Variants in TRPM3 observed in about 807,000 individuals in gnomAD.
TRPM3 encodes the protein long transient receptor potential channel 3.
A neutral mutation model predicts 181.2 loss-of-function variants in TRPM3; 77 were observed. The ratio of observed to expected loss-of-function variants is 0.42; its 90% confidence interval spans 0.35 to 0.51. The LOEUF is 0.51. Ranked by LOEUF, TRPM3 falls within the 20% of genes least tolerant of loss-of-function variation. The pLI is 0.01. For synonymous variants in TRPM3, 745 were observed against 796.4 expected, an observed-to-expected ratio of 0.94 and a Z score of 1.09; for missense variants, 1,759 against 2,196.7, an observed-to-expected ratio of 0.80 and a Z score of 3.98.
intron 8 of TRPM3, among the ~76,000 whole-genome samples, chr9:70,740,080 T>G (rs1419848722): frequency 6.6e-6 from 1 of 152,084 alleles, no homozygotes; most frequent in Non-Finnish European, 1.5e-5. Context: ...CTCTACAGAT[T>G]CCTCCAAAAA....
chr9:71,420,706 A>G (rs1565556775), intron 1 of TRPM3, among the ~76,000 whole-genome samples: 1 of 142,244 alleles, frequency 7.0e-6, no homozygotes, highest in Admixed American at 7.0e-5. Context: ...AGAAAGAGAG[A>G]GAAAGAAAGA....
rs10536771 is a variant in TRPM3 at position 71,216,937 on chromosome 9, CTTTTTTTTTTTTTTTTTT to C, written c.183+229698_183+229715del. ...GCACAAGCATAGTCAGTGGCCCTTT[CTTTTTTTTTTTTTTTTTT>C]TTTTTTTTTTTTTGAGACGGAGTCT... On this transcript the variant is annotated intron_variant, in intron 1 of 24. Coordinates refer to the TRPM3 transcript ENST00000357533. Among the ~76,000 whole-genome samples the C allele has an allele frequency of 3.6e-4, 26 of 72,998 alleles. 1 individual carries two copies. In the South Asian group the frequency reaches 0.011, roughly 32 times the overall value. 47.9% of individuals were successfully genotyped at this position (72,998 alleles called of 152,430 possible).
intron 22 of TRPM3, among the ~76,000 whole-genome samples, chr9:70,566,281 A>G (rs1564354156): frequency 6.6e-6 from 1 of 152,128 alleles, no homozygotes; most frequent in Non-Finnish European, 1.5e-5. Context: ...CAAAGACTCC[A>G]ACCTCAGATG....
chr9:70,666,061 C>G (rs4744608), intron 9 of TRPM3, among the ~76,000 whole-genome samples: 57,630 of 152,086 alleles, frequency 0.38, 11,356 homozygotes, highest in African/African-American at 0.47. Flanking sequence ...GTTCTTTCTG[C>G]TAGTTGGTCT....
rs2057876930 is a variant in TRPM3 at position 71,034,078 on chromosome 9, C to A, written c.177+87100G>T. Among the ~76,000 whole-genome samples, 3 of 152,216 alleles carry A rather than the reference C, an allele frequency of 2.0e-5. No homozygotes were observed. In the South Asian group the frequency reaches 6.2e-4, roughly 32 times the overall value. On this transcript the variant is annotated intron_variant, in intron 1 of 25. Coordinates refer to ENST00000677713, the MANE Select transcript of TRPM3 (RefSeq NM_001366145.2). The stretch of plus-strand genomic sequence containing the variant: ...GTGCAAACTCCACATAGACAGTGGC[C>A]CCAGCTGGGAATCAGTTTCCTTTTC...
chr9:71,389,751 T>C (rs1379403457), intron 1 of TRPM3, among the ~76,000 whole-genome samples: 1 of 152,042 alleles, frequency 6.6e-6, no homozygotes, highest in African/African-American at 2.4e-5. Context: ...CCAAAGACCA[T>C]ATGTTCTCAC....
At chr9:71,333,788 C>G (rs978604794) in intron 1 of TRPM3, among the ~76,000 whole-genome samples, 2 of 151,856 alleles carry the variant, frequency 1.3e-5, no homozygotes, top group African/African-American at 2.4e-5. Context: ...TTGTTTGAAA[C>G]AGTAGATACC....
At chr9:70,823,279 G>C (rs1347483682) in intron 6 of TRPM3, among the ~76,000 whole-genome samples, 1 of 152,074 alleles carries the variant, frequency 6.6e-6, no homozygotes, top group East Asian at 1.9e-4. Context: ...TTTTAATCTT[G>C]CTCTCTACCT....
chr9:70,932,119 G>C (rs1409626947), intron 1 of TRPM3, among the ~76,000 whole-genome samples: 1 of 152,140 alleles, frequency 6.6e-6, no homozygotes, highest in Non-Finnish European at 1.5e-5. Flanking sequence ...CATAACATTT[G>C]ATGACTCTAG....
intron 1 of TRPM3, among the ~76,000 whole-genome samples, chr9:71,131,083 T>C (rs2074344485): frequency 6.6e-6 from 1 of 152,210 alleles, no homozygotes; most frequent in African/African-American, 2.4e-5. Context: ...AACTCCTCGT[T>C]TTTGATAATG....
chr9:70,776,539 C>A, intron 7 of TRPM3: 2 of 669,322 alleles, frequency 3.0e-6, no homozygotes, highest in Admixed American at 2.5e-5. Flanking sequence ...AAACTGAATG[C>A]CCTTAAAAAC....
At chr9:70,836,376 C>T (rs146167579) in intron 5 of TRPM3, among the ~76,000 whole-genome samples, 5 of 152,238 alleles carry the variant, frequency 3.3e-5, no homozygotes, top group Admixed American at 6.5e-5. Flanking sequence ...GATCTCTCCC[C>T]CTCACAACCA....
intron 1 of TRPM3, among the ~76,000 whole-genome samples, chr9:71,035,911 T>C (rs886279729): frequency 6.0e-5 from 9 of 150,212 alleles, no homozygotes; most frequent in African/African-American, 2.0e-4. Context: ...GAGGATGTTA[T>C]ATAAAGAAAT....
rs556564735 is a variant in TRPM3, at chr9:71,112,349, A to T, written c.177+8829T>A. ...CTTTCAGTGTATATTATCAAAGCAGATATCTGGTGCTACCTACAAAGATTC... is the reference window on the plus strand; with the variant it reads ...CTTTCAGTGTATATTATCAAAGCAGTTATCTGGTGCTACCTACAAAGATTC... On this transcript the variant is annotated intron_variant, in intron 1 of 25. Transcript: ENST00000677713. Among the ~76,000 whole-genome samples, 5 of 152,314 alleles carry T rather than the reference A, an allele frequency of 3.3e-5. No homozygotes were observed. The East Asian group carries it at 9.6e-4, about 29-fold the overall frequency.
chr9:71,394,369 G>A (rs1007398854), intron 1 of TRPM3, among the ~76,000 whole-genome samples: 1 of 152,012 alleles, frequency 6.6e-6, no homozygotes, highest in Non-Finnish European at 1.5e-5. Context: ...TCCTTGGTGA[G>A]GTAATTTTTA....
chr9:70,924,746 A>G (rs1316062696), intron 1 of TRPM3, among the ~76,000 whole-genome samples: 1 of 152,188 alleles, frequency 6.6e-6, no homozygotes, highest in African/African-American at 2.4e-5. Flanking sequence ...TAAGCCTTAT[A>G]GTCCTGATAT....
At chr9:71,017,993 A>G (rs2097798947) in intron 1 of TRPM3, among the ~76,000 whole-genome samples, 1 of 151,928 alleles carries the variant, frequency 6.6e-6, no homozygotes, top group Non-Finnish European at 1.5e-5. Context: ...ATCACAGAGT[A>G]ACTAGCAAGG....
At chr9:71,186,847 A>T (rs2077709918) in intron 1 of TRPM3, among the ~76,000 whole-genome samples, 1 of 152,028 alleles carries the variant, frequency 6.6e-6, no homozygotes, top group Admixed American at 6.6e-5. Context: ...GCTAGCAAAA[A>T]GTCTCTCGTT....
chr9:71,197,237 A>G (rs1329128145), intron 1 of TRPM3, among the ~76,000 whole-genome samples: 1 of 152,190 alleles, frequency 6.6e-6, no homozygotes, highest in Non-Finnish European at 1.5e-5. Flanking sequence ...TCCATGGTGT[A>G]TATGAGCCAC....
Sources: gnomAD v4.1 joint callset for allele counts (sites outside exome capture counted in the v4.1 genomes callset) on GRCh38, gnomAD v4.1.1 for gene constraint, MANE v1.5 for transcripts, NCBI Gene and HGNC (gene_info 2026-07-23, HGNC 2026-07-21) for gene names.